Variants in RBFOX3 observed in about 807,000 individuals in gnomAD.
RBFOX3 encodes the protein RNA binding protein fox-1 homolog 3.
RBFOX3 carries 17 observed loss-of-function variants against 48.7 expected under a neutral mutation model. That is an observed-to-expected ratio of 0.35 (90% confidence interval 0.24 to 0.52). RBFOX3 has a LOEUF of 0.52. RBFOX3 is among the 20% of genes least tolerant of loss of function. The pLI, the probability that RBFOX3 is intolerant of heterozygous loss-of-function variation, is 0.94. For missense variants in RBFOX3, 382 were observed against 497.5 expected, an observed-to-expected ratio of 0.77 and a Z score of 2.21; for synonymous variants, 212 against 209.5, an observed-to-expected ratio of 1.01 and a Z score of -0.10.
At chr17:79,405,253 G>A (rs923346934) in intron 2 of RBFOX3, among the ~76,000 whole-genome samples, 5 of 152,036 alleles carry the variant, frequency 3.3e-5, no homozygotes, top group Non-Finnish European at 5.9e-5. Context: ...TCCTCCACAC[G>A]CTGCATCACA....
At chr17:79,300,111 C>T (rs1052790062) in intron 3 of RBFOX3, among the ~76,000 whole-genome samples, 15 of 152,282 alleles carry the variant, frequency 9.9e-5, no homozygotes, top group Non-Finnish European at 1.6e-4. Flanking sequence ...GCCATGTTGG[C>T]CAGGCTGGTC....
rs1042049830 is a variant in RBFOX3 at position 79,361,128 on chromosome 17, G to A, written c.-174-53304C>T. Among the ~76,000 whole-genome samples the A allele has an allele frequency of 1.3e-5, 2 of 152,238 alleles. No homozygotes were observed. Among genetic ancestry groups the A allele is most frequent in the South Asian group, 2.1e-4 (1 of 4,820 alleles). On this transcript the variant is annotated intron_variant, in intron 2 of 14. Transcript: ENST00000693108. This position sits in a 1 kb window ranked among gnomAD's most constrained non-coding sequence, Gnocchi z 4.5. ...GAAAGACACACATTTGGCTCCAAAG[G>A]TTTGAAAGAGGGTGACAGACAGCTG...
chr17:79,604,457 T>A (rs1444902313), intron 1 of RBFOX3, among the ~76,000 whole-genome samples: 2 of 149,964 alleles, frequency 1.3e-5, no homozygotes, highest in Non-Finnish European at 3.0e-5. Flanking sequence ...ACAAAGCCCT[T>A]CTTGCCATTG....
At chr17:79,484,109 G>T (rs1568327904) in intron 1 of RBFOX3, among the ~76,000 whole-genome samples, 2 of 152,174 alleles carry the variant, frequency 1.3e-5, no homozygotes, top group Non-Finnish European at 2.9e-5. Context: ...CCAGGGAGTG[G>T]CTGAGCTGTG....
At chr17:79,155,827 G>T (rs1248258362) in intron 4 of RBFOX3, among the ~76,000 whole-genome samples, 2 of 152,160 alleles carry the variant, frequency 1.3e-5, no homozygotes, top group Non-Finnish European at 2.9e-5. Context: ...CACCCCAGAC[G>T]CACTCCCCTC....
At position 79,477,172 on chromosome 17, in the gene RBFOX3, G is replaced by A. The variant is rs1043921885; in HGVS notation, c.-175+5282C>T. The stretch of plus-strand genomic sequence containing the variant: ...CTCTTAAACCCAGGAGGTAGAGGTT[G>A]CAGTGAGCTGAGATCGCGCCACTGC... On this transcript the variant is annotated intron_variant, in intron 2 of 14. Transcript: ENST00000693108. The surrounding 1 kb of genome is among the most constrained non-coding windows in gnomAD (Gnocchi z 4.8). Among the ~76,000 whole-genome samples, 9 of 150,572 alleles carry A rather than the reference G, an allele frequency of 6.0e-5. No individual in the cohort carries two copies. Among genetic ancestry groups the A allele is most frequent in the Non-Finnish European group, 1.3e-4 (9 of 67,842 alleles).
intron 1 of RBFOX3, among the ~76,000 whole-genome samples, chr17:79,519,360 T>A (rs1477809279): frequency 6.6e-6 from 1 of 152,162 alleles, no homozygotes; most frequent in Non-Finnish European, 1.5e-5. Context: ...GTCCTGCAAG[T>A]CCTAAGCCCT....
intron 5 of RBFOX3, among the ~76,000 whole-genome samples, chr17:79,112,915 T>TGGGGGG (rs1189871020): frequency 3.3e-5 from 2 of 60,174 alleles, no homozygotes; most frequent in African/African-American, 7.9e-5. Flanking sequence ...GGGGGGGGGG[T>TGGGGGG]GGGCTGGGTA....
intron 3 of RBFOX3, among the ~76,000 whole-genome samples, chr17:79,238,358 C>T (rs1274061519): frequency 6.6e-6 from 1 of 152,248 alleles, no homozygotes; most frequent in African/African-American, 2.4e-5. Flanking sequence ...GATCTGAAGC[C>T]AGGTCCAGAG....
chr17:79,266,450 T>C lies in RBFOX3; in HGVS notation c.-73-30645A>G, dbSNP rs534011894. ...CTGTTCCTTTTCTTAGGGGGTATTATTCAGAACTGGGTTGGAATTGTTTGC... is the reference window on the plus strand; with the variant it reads ...CTGTTCCTTTTCTTAGGGGGTATTACTCAGAACTGGGTTGGAATTGTTTGC... On this transcript the variant is annotated intron_variant, in intron 3 of 14. Coordinates refer to ENST00000693108, the MANE Select transcript of RBFOX3 (RefSeq NM_001350451.2). 1.1e-4 allele frequency among the ~76,000 whole-genome samples: 17 copies of C among 152,356 alleles called. 1 individual carries two copies. The highest frequency in any genetic ancestry group is 4.1e-4 in the African/African-American group (17 of 41,574).
intron 3 of RBFOX3, among the ~76,000 whole-genome samples, chr17:79,260,691 C>T (rs1004127775): frequency 1.3e-5 from 2 of 152,154 alleles, no homozygotes; most frequent in African/African-American, 2.4e-5. Context: ...CCAGCTTGCC[C>T]GGCCTTGGGG....
At chr17:79,569,788 CAGAT>C (rs1327043891) in intron 1 of RBFOX3, among the ~76,000 whole-genome samples, 2 of 152,112 alleles carry the variant, frequency 1.3e-5, no homozygotes, top group Non-Finnish European at 2.9e-5. Flanking sequence ...TGATGGATAA[CAGAT>C]GGATGGTGTA....
At chr17:79,095,717 G>A in intron 12 of RBFOX3, 143 bp from the exon 13 acceptor site, 1 of 705,638 alleles carries the variant, frequency 1.4e-6, no homozygotes, top group Non-Finnish European at 2.4e-6. Context: ...AGCCTCGGCT[G>A]GGTAAGGATT....
At chr17:79,376,776 T>C (rs935118565) in intron 2 of RBFOX3, among the ~76,000 whole-genome samples, 2 of 152,130 alleles carry the variant, frequency 1.3e-5, no homozygotes, top group Non-Finnish European at 2.9e-5. Context: ...ATGGGGGTGC[T>C]TCTTTCACCT....
At chr17:79,283,328 G>T (rs2071062380) in intron 3 of RBFOX3, among the ~76,000 whole-genome samples, 1 of 148,532 alleles carries the variant, frequency 6.7e-6, no homozygotes, top group South Asian at 2.1e-4. Context: ...GAGTGCACTA[G>T]CGTGATCTCG....
chr17:79,115,547 G>A lies in RBFOX3; in HGVS notation c.169C>T (p.Gln57Ter). ...TGTGTGCTGGCCTCGGAGCCTGGCT[G>A]CTCGGGGTGGGTCTGTGCTGGTGTG... is the stretch of plus-strand genomic sequence containing the variant. ...LYTPAQTHPE[Q>*]PGSEASTQPI... is the part of the protein sequence containing the mutation. The change falls in exon 5 of 15, where the codon CAG becomes TAG. Residue 57 changes from glutamine (Q) to a stop codon, truncating the protein, a stop_gained. Coordinates refer to ENST00000693108, the MANE Select transcript of RBFOX3 (RefSeq NM_001350451.2). LOFTEE classifies it high-confidence loss of function. 1 of 1,337,974 alleles carries A rather than the reference G, an allele frequency of 7.5e-7. No homozygotes were observed. Among genetic ancestry groups the A allele is most frequent in the East Asian group, 3.1e-5 (1 of 32,588 alleles). The allele number at this position is 1,337,974 out of a possible 1,614,324, so 82.9% of individuals were successfully genotyped here.
At chr17:79,436,568 G>A (rs797026687) in intron 2 of RBFOX3, among the ~76,000 whole-genome samples, 6 of 152,298 alleles carry the variant, frequency 3.9e-5, no homozygotes, top group African/African-American at 1.4e-4. Context: ...AAGAGCAATA[G>A]GCAGATAGAT....
At chr17:79,498,891 TCCA>T (rs2081993413) in intron 1 of RBFOX3, among the ~76,000 whole-genome samples, 1 of 139,942 alleles carries the variant, frequency 7.1e-6, no homozygotes, top group Non-Finnish European at 1.6e-5. Context: ...CATCCATCCA[TCCA>T]TCCATCCATC....
chr17:79,520,122 C>A (rs2085850946), intron 1 of RBFOX3, among the ~76,000 whole-genome samples: 1 of 152,224 alleles, frequency 6.6e-6, no homozygotes, highest in Admixed American at 6.5e-5. Flanking sequence ...TCATGCAGCT[C>A]CATGGGTGAG....
Sources: allele counts gnomAD v4.1 joint callset (sites outside exome capture counted in the v4.1 genomes callset), GRCh38; gene constraint gnomAD v4.1.1; non-coding constraint Gnocchi (gnomAD v3.1); transcripts MANE v1.5; gene names NCBI Gene and HGNC (gene_info 2026-07-23, HGNC 2026-07-21).